The following BRWD1 variants were observed in gnomAD, a reference collection of about 807,000 sequenced individuals.
The protein encoded by BRWD1 is bromodomain and WD repeat-containing protein 1.
Under a neutral mutation model 251.2 loss-of-function variants are expected in BRWD1, and 82 were observed. The observed-to-expected ratio is 0.33, with a 90% confidence interval of 0.27 to 0.39. The LOEUF (loss-of-function observed/expected upper bound fraction) is 0.39. Among genes scored for constraint, BRWD1 ranks in the 10% least tolerant of loss-of-function variants. The probability of loss-of-function intolerance (pLI) is 1.00; values close to 1 mark genes in which losing one functional copy is unlikely to be tolerated. For synonymous variants in BRWD1, 918 were observed against 902.8 expected (o/e 1.02, Z -0.30); for missense variants, 2,233 against 2,711.6 (o/e 0.82, Z 3.92).
intron 37 of BRWD1, among the ~76,000 whole-genome samples, chr21:39,203,683 A>T (rs977530838): frequency 2.0e-5 from 3 of 151,052 alleles, no homozygotes; most frequent in African/African-American, 7.3e-5. Flanking sequence ...CTGGGATTAC[A>T]AGCGTGAGCC....
chr21:39,281,028 A>G (rs1274756614), intron 8 of BRWD1, among the ~76,000 whole-genome samples: 1 of 152,182 alleles, frequency 6.6e-6, no homozygotes, highest in Non-Finnish European at 1.5e-5. Context: ...ACAAACACAC[A>G]CTAAGCAAAG....
intron 31 of BRWD1, chr21:39,217,068 TATATATATATATA>T (rs1568878072): frequency 1.6e-3 from 18 of 11,252 alleles, no homozygotes; most frequent in Non-Finnish European, 2.2e-3. Context: ...TATATATATA[TATATATATATATA>T]TATTTTTTTT....
intron 27 of BRWD1, among the ~76,000 whole-genome samples, chr21:39,226,460 G>T (rs181937134): frequency 6.6e-6 from 1 of 152,270 alleles, no homozygotes; most frequent in Non-Finnish European, 1.5e-5. Flanking sequence ...GGAGGCATCT[G>T]GGACTCCATC....
intron 27 of BRWD1, 26 bp from the exon 28 acceptor site, chr21:39,225,223 G>A (rs781081979): frequency 1.4e-6 from 2 of 1,458,610 alleles, no homozygotes; most frequent in South Asian, 1.1e-5. Context: ...TCAAGTCTGA[G>A]GCATTTCTCT....
intron 26 of BRWD1, 128 bp downstream of exon 26, chr21:39,229,184 A>G: frequency 1.3e-6 from 1 of 797,862 alleles, no homozygotes; most frequent in Non-Finnish European, 1.9e-6. Flanking sequence ...AGCTCGAGCC[A>G]CATCTTAGGC....
Position 39,197,294 on chromosome 21 carries a change from C to T in BRWD1, c.5775G>A (p.Leu1925=), listed in dbSNP as rs758903074. 2.5e-6 allele frequency: 4 copies of T among 1,614,096 alleles called. No homozygotes were observed. The highest frequency in any genetic ancestry group is 3.4e-6 in the Non-Finnish European group (4 of 1,179,954). ...KKSSKARTGL[L]RITRRCAATA... is the part of the protein sequence containing the mutation. ...TAGCTGCACATCTTCGAGTAATCCT[C>T]AGGAGACCTGTTCTGGCTTTTGATG... Residue 1925 remains leucine (L), a synonymous_variant, in exon 41 of 41, where the codon CTG becomes CTA. Transcript: ENST00000342449.
At chr21:39,313,164 C>T in intron 2 of BRWD1, 63 bp from the exon 3 acceptor site, 3 of 1,494,970 alleles carry the variant, frequency 2.0e-6, no homozygotes, top group Non-Finnish European at 8.9e-7. Flanking sequence ...GTTTCACCCC[C>T]GCCCACCACC....
At chr21:39,224,530 T>A in intron 28 of BRWD1, 61 bp from the exon 29 acceptor site, 3 of 1,096,810 alleles carry the variant, frequency 2.7e-6, no homozygotes, top group Non-Finnish European at 4.1e-6. Context: ...GGATAATAGG[T>A]ATCCATTATA....
At chr21:39,215,481 T>C in intron 31 of BRWD1, 119 bp from the exon 32 acceptor site, 1 of 830,796 alleles carries the variant, frequency 1.2e-6, no homozygotes, top group Non-Finnish European at 1.9e-6. Flanking sequence ...AGTGCAAAGT[T>C]ATAATGAATA....
chr21:39,275,320 T>C (rs1464038899), intron 12 of BRWD1, among the ~76,000 whole-genome samples: 1 of 152,116 alleles, frequency 6.6e-6, no homozygotes, highest in Non-Finnish European at 1.5e-5. Flanking sequence ...GGTGGTTTCT[T>C]AGAAAAGTTT....
In BRWD1 at chr21:39,310,142, G is replaced by A. The variant is rs570216046; in HGVS notation, c.198+2699C>T. Reference sequence around the variant, plus strand: ...TATTCTATTATTTTTGTTTGAAGATGTCCATTGATAGTTTCTTAAAACATA... The same window carrying A: ...TATTCTATTATTTTTGTTTGAAGATATCCATTGATAGTTTCTTAAAACATA... On this transcript the variant is annotated intron_variant, in intron 4 of 40. Coordinates refer to ENST00000342449, the MANE Select transcript of BRWD1 (RefSeq NM_033656.4). Among the ~76,000 whole-genome samples, 291 of 152,334 alleles carry A rather than the reference G, an allele frequency of 1.9e-3. 1 individual carries two copies. The highest frequency in any genetic ancestry group is 3.5e-3 in the Non-Finnish European group (240 of 68,040).
At chr21:39,250,554 G>T (rs1601385333) in intron 20 of BRWD1, among the ~76,000 whole-genome samples, 1 of 149,702 alleles carries the variant, frequency 6.7e-6, no homozygotes, top group Admixed American at 6.6e-5. Flanking sequence ...AAATAATTTA[G>T]TAACTAAAAT....
Position 39,198,657 on chromosome 21 carries a change from G to C in BRWD1, c.5653+106C>G, listed in dbSNP as rs1285104819. 5.2e-6 allele frequency: 5 copies of C among 954,672 alleles called. No individual in the cohort carries two copies. In the African/African-American group the frequency reaches 8.3e-5, roughly 16 times the overall value. 59.1% of individuals were successfully genotyped at this position (954,672 alleles called of 1,614,324 possible). A position where few individuals can be genotyped will look rare whatever the true frequency, so the allele number is the denominator to read the frequency against. On this transcript the variant is annotated intron_variant, in intron 40 of 40. Transcript: ENST00000342449. ...ATGGGAGGGAGAGAAACAGCAAAGA[G>C]AAAAAAGTTTCAAGGGAAACTTTTT...
chr21:39,216,680 C>A, intron 31 of BRWD1: 1 of 411,502 alleles, frequency 2.4e-6, no homozygotes, highest in African/African-American at 2.1e-5. Flanking sequence ...TTCTTGGGAC[C>A]TACAATAAAC....
chr21:39,199,755 G>T, intron 39 of BRWD1, 93 bp from the exon 40 acceptor site: 1 of 1,255,540 alleles, frequency 8.0e-7, no homozygotes, highest in Non-Finnish European at 1.1e-6. Context: ...TCACTTTTTT[G>T]GGGGGCGGGG....
At position 39,210,899 on chromosome 21, in the gene BRWD1, T is replaced by C; in HGVS notation, c.3931A>G (p.Thr1311Ala). 3 of 1,611,500 alleles carry C rather than the reference T, an allele frequency of 1.9e-6. No individual in the cohort carries two copies. Among genetic ancestry groups the C allele is most frequent in the Non-Finnish European group, 2.5e-6 (3 of 1,179,304 alleles). Residue 1311 changes from threonine to alanine, a missense_variant, in exon 35 of 41, where the codon ACG becomes GCG. Thr to Ala is a moderately conservative substitution (Grantham distance 58). Transcript: ENST00000342449. Reference sequence around the variant, plus strand: ...TTCCAGTTGCTTTCAACATAGTTCGTAGCTCTGATGCTTTTTTTCCCATCA... The same window carrying C: ...TTCCAGTTGCTTTCAACATAGTTCGCAGCTCTGATGCTTTTTTTCCCATCA... ...VHDGKKSIRA[T>A]NYVESNWKKQ...
chr21:39,293,750 C>G (rs2035879256), intron 8 of BRWD1, 61 bp downstream of exon 8: 2 of 1,323,832 alleles, frequency 1.5e-6, no homozygotes, highest in Admixed American at 2.0e-5. Context: ...TCCAAAGAAA[C>G]TGTTTTAAAG....
intron 17 of BRWD1, among the ~76,000 whole-genome samples, chr21:39,261,256 G>C (rs2034734872): frequency 6.6e-6 from 1 of 152,106 alleles, no homozygotes. Context: ...ATACTGTTAT[G>C]TGTGCACATG....
chr21:39,243,666 G>T (rs1291462074), intron 21 of BRWD1, among the ~76,000 whole-genome samples: 1 of 151,954 alleles, frequency 6.6e-6, no homozygotes, highest in East Asian at 1.9e-4. Context: ...GCCCAGGCTG[G>T]TCTCGAACTC....
Sources: gnomAD v4.1 joint callset for allele counts (sites outside exome capture counted in the v4.1 genomes callset) on GRCh38, gnomAD v4.1.1 for gene constraint, MANE v1.5 for transcripts, NCBI Gene and HGNC (gene_info 2026-07-23, HGNC 2026-07-21) for gene names.